Variants in ZNF507 observed in about 807,000 individuals in gnomAD.
The protein encoded by ZNF507 is zinc finger protein 507.
A neutral mutation model predicts 80.0 loss-of-function variants in ZNF507; 29 were observed. That is an observed-to-expected ratio of 0.36 (90% confidence interval 0.27 to 0.49). The LOEUF (loss-of-function observed/expected upper bound fraction) is 0.49, where lower values mean the gene tolerates loss of function less well. Among genes scored for constraint, ZNF507 ranks in the 20% least tolerant of loss-of-function variants. The pLI is 0.98. For synonymous variants in ZNF507, 462 were observed against 422.5 expected, an observed-to-expected ratio of 1.09 and a Z score of -1.15; for missense variants, 1,081 against 1,152.2, an observed-to-expected ratio of 0.94 and a Z score of 0.90.
rs147974433 is a variant in ZNF507 at position 32,354,318 on chromosome 19, T to G, written c.1488T>G (p.Ala496=). The G allele has an allele frequency of 6.9e-5, 112 of 1,614,052 alleles. 1 individual carries two copies. The Middle Eastern group carries it at 3.1e-3, about 45-fold the overall frequency. Residue 496 remains alanine (A), a synonymous_variant, in exon 3 of 7, where the codon GCT becomes GCG. Coordinates refer to ENST00000355898, the MANE Select transcript of ZNF507 (RefSeq NM_001136156.2). Reference sequence around the variant, plus strand: ...AGTCTCTTCGATTACACTCATTAGCTGCAGAAGCCCTTGTCACAATGCCTA... The same window carrying G: ...AGTCTCTTCGATTACACTCATTAGCGGCAGAAGCCCTTGTCACAATGCCTA... ...NSESLRLHSL[A]AEALVTMPIR... is the part of the protein sequence containing the mutation.
At chr19:32,376,247 ATGAG>A (rs1294146884) in intron 5 of ZNF507, among the ~76,000 whole-genome samples, 5 of 152,094 alleles carry the variant, frequency 3.3e-5, no homozygotes, top group Non-Finnish European at 7.3e-5. Context: ...TGATAACGCT[ATGAG>A]TGATTTTTAT....
chr19:32,382,662 A>G (rs999068811), intron 6 of ZNF507, 55 bp from the exon 7 acceptor site: 16 of 1,612,144 alleles, frequency 9.9e-6, no homozygotes, highest in Middle Eastern at 3.3e-4. Context: ...GATTAAATCT[A>G]CTAGTCCTAC....
chr19:32,370,572 T>C (rs540546477), intron 5 of ZNF507, among the ~76,000 whole-genome samples: 11 of 152,238 alleles, frequency 7.2e-5, no homozygotes, highest in Admixed American at 2.0e-4. Context: ...CATTTTTTAA[T>C]CGAGTTATTT....
intron 4 of ZNF507, chr19:32,357,894 T>G (rs545231792): frequency 8.5e-5 from 13 of 152,368 alleles, no homozygotes; most frequent in African/African-American, 3.1e-4. Flanking sequence ...TGTTGGAAGA[T>G]GTCTTTTTTA....
intron 5 of ZNF507, among the ~76,000 whole-genome samples, chr19:32,365,117 TTTG>T (rs1568306576): frequency 1.3e-5 from 2 of 152,242 alleles, no homozygotes; most frequent in African/African-American, 4.8e-5. Flanking sequence ...TTTTCATATG[TTTG>T]TTGGCCATTT....
At chr19:32,369,449 C>G (rs893164493) in intron 5 of ZNF507, among the ~76,000 whole-genome samples, 7 of 152,112 alleles carry the variant, frequency 4.6e-5, no homozygotes, top group Non-Finnish European at 1.0e-4. Flanking sequence ...GTGTCATGAT[C>G]AGTGTGCTCT....
At chr19:32,361,188 G>C (rs1244137191) in intron 5 of ZNF507, among the ~76,000 whole-genome samples, 3 of 152,284 alleles carry the variant, frequency 2.0e-5, no homozygotes, top group Admixed American at 2.0e-4. Flanking sequence ...CTATGAAAGA[G>C]TCCATTTTTC....
At chr19:32,375,227 T>G (rs1020361175) in intron 5 of ZNF507, among the ~76,000 whole-genome samples, 6 of 152,152 alleles carry the variant, frequency 3.9e-5, no homozygotes, top group Admixed American at 3.9e-4. Flanking sequence ...TTGTCACAAC[T>G]GAGGGAGAAA....
At chr19:32,346,097 T>G (rs1238476424) in intron 1 of ZNF507, among the ~76,000 whole-genome samples, 2 of 152,222 alleles carry the variant, frequency 1.3e-5, no homozygotes, top group Non-Finnish European at 2.9e-5. Context: ...GTGAGATCGC[T>G]TAGGCCAGCC....
chr19:32,354,453 A>G lies in ZNF507; in HGVS notation c.1623A>G (p.Ser541=), dbSNP rs775956646. ...RQVDSTLAAY[S]KMMSPLKNSS... is the part of the protein sequence containing the mutation. ...TAGATAGTACATTGGCAGCGTACTC[A>G]AAAATGATGTCGCCACTTAAAAACT... Residue 541 remains serine, a synonymous_variant, in exon 3 of 7, where the codon TCA becomes TCG. Transcript: ENST00000355898. The G allele has an allele frequency of 1.9e-6, 3 of 1,614,070 alleles. No homozygotes were observed. Among genetic ancestry groups the G allele is most frequent in the Admixed American group, 3.3e-5 (2 of 60,004 alleles).
intron 1 of ZNF507, among the ~76,000 whole-genome samples, chr19:32,346,002 A>T (rs144197871): frequency 0.027 from 4,146 of 152,234 alleles, 83 homozygotes; most frequent in Middle Eastern, 0.078. Flanking sequence ...GGTGGGGGGA[A>T]CTTGCTGCTC....
chr19:32,362,442 T>C (rs1373363919), intron 5 of ZNF507, among the ~76,000 whole-genome samples: 1 of 152,204 alleles, frequency 6.6e-6, no homozygotes, highest in Non-Finnish European at 1.5e-5. Context: ...TGAGCAAATA[T>C]TATGCTTCAG....
intron 5 of ZNF507, among the ~76,000 whole-genome samples, chr19:32,380,285 G>A (rs1054045834): frequency 6.6e-6 from 1 of 152,092 alleles, no homozygotes; most frequent in Non-Finnish European, 1.5e-5. Flanking sequence ...GAGTCCAGGA[G>A]GCCAAGGCTG....
chr19:32,374,008 T>G (rs1041408516), intron 5 of ZNF507, among the ~76,000 whole-genome samples: 20 of 152,236 alleles, frequency 1.3e-4, no homozygotes, highest in African/African-American at 4.6e-4. Context: ...CATAGTAGAC[T>G]GAAGAGCTGC....
intron 5 of ZNF507, among the ~76,000 whole-genome samples, chr19:32,376,135 A>C (rs1278359563): frequency 3.9e-5 from 6 of 152,244 alleles, no homozygotes; most frequent in Non-Finnish European, 8.8e-5. Flanking sequence ...TAGAAAGTTT[A>C]AATTATAACA....
chr19:32,356,471 CAA>C lies in ZNF507; in HGVS notation c.2128-143_2128-142del, dbSNP rs538855133. The C allele has an allele frequency of 4.9e-5, 29 of 587,908 alleles. No individual in the cohort carries two copies. In the East Asian group the frequency reaches 7.9e-4, roughly 16 times the overall value. 36.4% of individuals were successfully genotyped at this position (587,908 alleles called of 1,614,324 possible). A position where few individuals can be genotyped will look rare whatever the true frequency, so the allele number is the denominator to read the frequency against. ...TCTTTCTATAAATTGTCAAATGTGT[CAA>C]ATGATCCTTTAGCAGACTTGATTTT... On this transcript the variant is annotated intron_variant, in intron 3 of 6. Coordinates refer to ENST00000355898, the MANE Select transcript of ZNF507 (RefSeq NM_001136156.2).
chr19:32,364,502 C>T (rs113427979), intron 5 of ZNF507, among the ~76,000 whole-genome samples: 1 of 151,934 alleles, frequency 6.6e-6, no homozygotes, highest in Non-Finnish European at 1.5e-5. Context: ...CTCTTTCCCC[C>T]CAAGTCCCCA....
intron 5 of ZNF507, among the ~76,000 whole-genome samples, chr19:32,373,350 T>TG (rs1440335932): frequency 2.6e-5 from 4 of 151,916 alleles, no homozygotes; most frequent in Admixed American, 6.6e-5. Context: ...GGAATTTCGG[T>TG]GGGGGGTGGG....
At position 32,387,270 on chromosome 19, in the gene ZNF507, C is replaced by T. The variant is rs545878080; in HGVS notation, c.*4187C>T. 4.6e-4 allele frequency: 69 copies of T among 151,248 alleles called. No homozygotes were observed. The highest frequency in any genetic ancestry group is 1.7e-3 in the African/African-American group (67 of 40,560). The allele number at this position is 151,248 out of a possible 1,614,324, so 9.4% of individuals were successfully genotyped here. On this transcript the variant is annotated 3_prime_UTR_variant, in exon 7 of 7. Transcript: ENST00000355898. The stretch of plus-strand genomic sequence containing the variant: ...CACCTTGATCACTCTGTCGTCTATA[C>T]AGACAGCTATTGACATATTTGTTGC...
Sources: allele counts gnomAD v4.1 joint callset (sites outside exome capture counted in the v4.1 genomes callset), GRCh38; gene constraint gnomAD v4.1.1; transcripts MANE v1.5; gene names NCBI Gene and HGNC (gene_info 2026-07-23, HGNC 2026-07-21).